PPM1H: variants seen among roughly 807,000 people sequenced by gnomAD.
PPM1H encodes the protein protein phosphatase 1H.
In PPM1H, 27 loss-of-function variants were observed where a neutral mutation model predicts 54.9. The ratio of observed to expected loss-of-function variants is 0.49; its 90% CI spans 0.36 to 0.68. The LOEUF (loss-of-function observed/expected upper bound fraction) is 0.68, where lower values mean the gene tolerates loss of function less well. Ranked by LOEUF, PPM1H falls within the 30% of genes least tolerant of loss-of-function variation. The pLI is 0.00. For synonymous variants in PPM1H, 305 were observed against 270.8 expected, an observed-to-expected ratio of 1.13 and a Z score of -1.24; for missense variants, 596 against 667.8, an observed-to-expected ratio of 0.89 and a Z score of 1.19.
At chr12:62,730,875 CAA>C (rs1197958469) in intron 5 of PPM1H, among the ~76,000 whole-genome samples, 5 of 152,154 alleles carry the variant, frequency 3.3e-5, no homozygotes, top group Non-Finnish European at 7.3e-5. Flanking sequence ...TTTCCAGAGC[CAA>C]GGCTGGCTGC....
intron 2 of PPM1H, among the ~76,000 whole-genome samples, chr12:62,815,453 T>C (rs1592613316): frequency 6.6e-6 from 1 of 152,330 alleles, no homozygotes; most frequent in East Asian, 1.9e-4. Flanking sequence ...TATAACGGTT[T>C]TTGCTAAATT....
At chr12:62,687,356 C>T (rs1033664552) in intron 8 of PPM1H, among the ~76,000 whole-genome samples, 1 of 152,202 alleles carries the variant, frequency 6.6e-6, no homozygotes, top group Non-Finnish European at 1.5e-5. Flanking sequence ...CAACTTCGAG[C>T]TCCTGGGCTC....
chr12:62,788,658 T>C (rs1002150220), intron 3 of PPM1H, among the ~76,000 whole-genome samples: 1 of 152,216 alleles, frequency 6.6e-6, no homozygotes, highest in Admixed American at 6.5e-5. Flanking sequence ...TCTTTGTGGA[T>C]TGCATGAGCT....
At chr12:62,814,042 TATCAATAAATG>T (rs2076851271) in intron 2 of PPM1H, among the ~76,000 whole-genome samples, 1 of 152,202 alleles carries the variant, frequency 6.6e-6, no homozygotes, top group African/African-American at 2.4e-5. Flanking sequence ...GTAGGTTATA[TATCAATAAATG>T]ATCAATAAAT....
At chr12:62,806,407 G>A (rs2076805575) in intron 2 of PPM1H, among the ~76,000 whole-genome samples, 1 of 152,172 alleles carries the variant, frequency 6.6e-6, no homozygotes, top group Non-Finnish European at 1.5e-5. Flanking sequence ...ATAAAAGACT[G>A]GCTGAAAGAG....
chr12:62,802,399 C>T (rs546680147), intron 2 of PPM1H, among the ~76,000 whole-genome samples: 13 of 152,286 alleles, frequency 8.5e-5, no homozygotes, highest in Admixed American at 5.9e-4. Flanking sequence ...AAGGATGAAG[C>T]GGTCTCTGCC....
rs1173229360 is a variant in PPM1H at position 62,658,182 on chromosome 12, A to ATTTTTTTTTTTT, written c.1397+8984_1397+8995dup. The stretch of plus-strand genomic sequence containing the variant: ...GAGACCAGCCTGGGTAACACGGTGA[A>ATTTTTTTTTTTT]TTTTTTTTTTTTTTTTTTTTTTTTT... On this transcript the variant is annotated intron_variant, in intron 9 of 9. Transcript: ENST00000228705. 1.1e-4 allele frequency among the ~76,000 whole-genome samples: 10 copies of ATTTTTTTTTTTT among 87,530 alleles called. 1 individual carries two copies. Among genetic ancestry groups the ATTTTTTTTTTTT allele is most frequent in the African/African-American group, 3.6e-4 (8 of 22,352 alleles). The allele number at this position is 87,530 out of a possible 152,430, so 57.4% of individuals were successfully genotyped here.
chr12:62,756,805 T>A (rs2076479287), intron 4 of PPM1H, among the ~76,000 whole-genome samples: 1 of 151,894 alleles, frequency 6.6e-6, no homozygotes, highest in South Asian at 2.1e-4. Flanking sequence ...GCCTCTATAG[T>A]AAGCTGCAGA....
chr12:62,863,789 A>G (rs1869686803), intron 1 of PPM1H, among the ~76,000 whole-genome samples: 1 of 152,224 alleles, frequency 6.6e-6, no homozygotes, highest in Non-Finnish European at 1.5e-5. Context: ...CTCATTTGAC[A>G]GACACAGGAA....
At chr12:62,849,603 G>T (rs1388575767) in intron 1 of PPM1H, among the ~76,000 whole-genome samples, 1 of 152,138 alleles carries the variant, frequency 6.6e-6, no homozygotes, top group Non-Finnish European at 1.5e-5. Flanking sequence ...AGGGAAAGGT[G>T]CCAGGTGCTA....
At chr12:62,922,360 C>A (rs1014661135) in intron 1 of PPM1H, among the ~76,000 whole-genome samples, 1 of 148,994 alleles carries the variant, frequency 6.7e-6, no homozygotes, top group Non-Finnish European at 1.5e-5. Flanking sequence ...TAATTTCACA[C>A]AATGAATGGT....
At chr12:62,696,261 C>T (rs537269403) in intron 6 of PPM1H, among the ~76,000 whole-genome samples, 27 of 152,308 alleles carry the variant, frequency 1.8e-4, no homozygotes, top group African/African-American at 5.8e-4. Flanking sequence ...AAGACACACA[C>T]TTAGAGTTGT....
chr12:62,754,066 T>G (rs1170895867), intron 4 of PPM1H, among the ~76,000 whole-genome samples: 2 of 152,096 alleles, frequency 1.3e-5, no homozygotes, highest in Non-Finnish European at 2.9e-5. Flanking sequence ...AGGGATCAAA[T>G]CCTCTGACTT....
At chr12:62,834,939 A>T (rs1286815973) in intron 1 of PPM1H, among the ~76,000 whole-genome samples, 1 of 152,104 alleles carries the variant, frequency 6.6e-6, no homozygotes, top group Non-Finnish European at 1.5e-5. Flanking sequence ...CCCTGGGGAA[A>T]GCTCAAGTGG....
intron 4 of PPM1H, among the ~76,000 whole-genome samples, chr12:62,763,748 G>A (rs569999462): frequency 3.9e-5 from 6 of 152,262 alleles, no homozygotes; most frequent in African/African-American, 7.2e-5. Context: ...ATCTTCAATC[G>A]TTTCATTTTA....
intron 8 of PPM1H, among the ~76,000 whole-genome samples, chr12:62,682,269 T>C (rs1380509372): frequency 6.6e-6 from 1 of 152,254 alleles, no homozygotes; most frequent in Non-Finnish European, 1.5e-5. Context: ...AATCATGTTC[T>C]GCTTCACTTC....
chr12:62,919,090 AAT>A (rs1871711599), intron 1 of PPM1H, among the ~76,000 whole-genome samples: 1 of 152,258 alleles, frequency 6.6e-6, no homozygotes, highest in Admixed American at 6.5e-5. Flanking sequence ...CTAGAAAAAT[AAT>A]AGTCTCAGCA....
At chr12:62,787,423 A>G (rs947269010) in intron 4 of PPM1H, among the ~76,000 whole-genome samples, 1 of 152,254 alleles carries the variant, frequency 6.6e-6, no homozygotes, top group African/African-American at 2.4e-5. Context: ...ATATTTCGTT[A>G]TGAAAGCGGT....
chr12:62,856,914 T>C (rs1014620477), intron 1 of PPM1H, among the ~76,000 whole-genome samples: 1 of 152,156 alleles, frequency 6.6e-6, no homozygotes, highest in Non-Finnish European at 1.5e-5. Flanking sequence ...ACACTTGGCA[T>C]TTTGTCACAA....
Sources: allele counts gnomAD v4.1 joint callset (sites outside exome capture counted in the v4.1 genomes callset), GRCh38; gene constraint gnomAD v4.1.1; transcripts MANE v1.5; gene names NCBI Gene and HGNC (gene_info 2026-07-23, HGNC 2026-07-21).